TTC14: variants seen among roughly 807,000 people sequenced by gnomAD.
TTC14 encodes the protein tetratricopeptide repeat protein 14.
Under a neutral mutation model 79.9 loss-of-function variants are expected in TTC14, and 63 were observed. The ratio of observed to expected loss-of-function variants is 0.79; its 90% confidence interval spans 0.64 to 0.97. The LOEUF (loss-of-function observed/expected upper bound fraction) is 0.97. Among genes scored for constraint, TTC14 ranks in the 50% least tolerant of loss-of-function variants. The pLI, the probability that TTC14 is intolerant of heterozygous loss-of-function variation, is 0.00. For missense variants in TTC14, 895 were observed against 894.0 expected, an observed-to-expected ratio of 1.00 and a Z score of -0.01; for synonymous variants, 335 against 309.6, an observed-to-expected ratio of 1.08 and a Z score of -0.86.
exon 13 of TTC14, chr3:180,617,806 A>G (rs1410320945): frequency 4.1e-6 from 1 of 241,256 alleles, no homozygotes; most frequent in Non-Finnish European, 7.8e-6. Context: ...GGAGAAATAA[A>G]ATTATTTTTA....
chr3:180,602,663 C>A, intron 1 of TTC14: 1 of 704,852 alleles, frequency 1.4e-6, no homozygotes, highest in Non-Finnish European at 2.3e-6. Context: ...AGCTAAAAAT[C>A]CCTTGAGCTT....
Position 180,604,950 on chromosome 3 carries a change from TA to T in TTC14, c.801del (p.Glu268LysfsTer3), listed in dbSNP as rs761918958. ...FVNPGVVEFL[L>X]EKLGIDESNP... The stretch of plus-strand genomic sequence containing the variant: ...AATCCAGGAGTAGTTGAATTCCTTC[TA>T]GAAAAACTAGGAATAGATGAATCTA... On this transcript the variant is annotated frameshift_variant, in exon 6 of 12. Transcript: ENST00000296015. LOFTEE classifies it high-confidence loss of function. 2.4e-5 allele frequency: 39 copies of T among 1,614,062 alleles called. No individual in the cohort carries two copies. Among genetic ancestry groups the T allele is most frequent in the Non-Finnish European group, 1.7e-6 (2 of 1,179,964 alleles).
chr3:180,609,888 A>G lies in TTC14; in HGVS notation c.1659A>G (p.Glu553=). ...TSASFLNHKQ[E]VEKLLGKQDR... ...CATCTTTTCTTAACCATAAACAAGA[A>G]GTGGAGAAACTACTGGGGAAGCAGG... Residue 553 remains glutamate (E), a synonymous_variant, in exon 12 of 12, where the codon GAA becomes GAG. Coordinates refer to ENST00000296015, the MANE Select transcript of TTC14 (RefSeq NM_133462.4). 1.2e-6 allele frequency: 2 copies of G among 1,613,982 alleles called. No homozygotes were observed. Among genetic ancestry groups the G allele is most frequent in the Non-Finnish European group, 1.7e-6 (2 of 1,179,928 alleles).
intron 10 of TTC14, chr3:180,608,251 G>A (rs1560074397): frequency 7.1e-6 from 7 of 988,706 alleles, no homozygotes; most frequent in Non-Finnish European, 8.4e-6. Flanking sequence ...ATCCAACTGG[G>A]CTGTGCTATT....
chr3:180,602,213 A>T lies in TTC14; in HGVS notation c.-49A>T, dbSNP rs1367805614. 3 of 1,604,238 alleles carry T rather than the reference A, an allele frequency of 1.9e-6. No individual in the cohort carries two copies. The Admixed American group carries it at 5.1e-5, about 27-fold the overall frequency. ...CACCCGGCTCAAGTAGCGGACACGG[A>T]ACAGGGAACTATCAGCCCGTCGGCC... is the stretch of plus-strand genomic sequence containing the variant. On this transcript the variant is annotated 5_prime_UTR_variant, in exon 1 of 12. Transcript: ENST00000296015.
Position 180,606,373 on chromosome 3 carries a change from G to A in TTC14, c.1049+1G>A. On this transcript the variant is annotated splice_donor_variant, in intron 8 of 11. Coordinates refer to ENST00000296015, the MANE Select transcript of TTC14 (RefSeq NM_133462.4). LOFTEE classifies it high-confidence loss of function. ...AAGCTTTGGTAGCTCGTGGAGCATT[G>A]TAAGTGAATCATACATGGATTTTAA... 6.2e-7 allele frequency: 1 copy of A among 1,613,990 alleles called. No individual in the cohort carries two copies. Among genetic ancestry groups the A allele is most frequent in the Non-Finnish European group, 8.5e-7 (1 of 1,179,952 alleles).
At chr3:180,612,932 T>C (rs1169434669), downstream of TTC14, among the ~76,000 whole-genome samples, 3 of 152,040 alleles carry the variant, frequency 2.0e-5, no homozygotes, top group Non-Finnish European at 2.9e-5. Context: ...AAAACATGAA[T>C]AGGTATTTTT....
chr3:180,608,540 C>CTAAT (rs901704962), intron 10 of TTC14, 161 bp from the exon 11 acceptor site: 4 of 1,245,468 alleles, frequency 3.2e-6, no homozygotes, highest in Non-Finnish European at 4.1e-6. Flanking sequence ...ATCTGTATGA[C>CTAAT]TAATTTTTTT....
chr3:180,604,840 TA>T lies in TTC14; in HGVS notation c.702-11del, dbSNP rs1443718220. 1.3e-6 allele frequency: 2 copies of T among 1,588,636 alleles called. No homozygotes were observed. The highest frequency in any genetic ancestry group is 1.7e-6 in the Non-Finnish European group (2 of 1,170,542). ...AGTCATTTTACAATTTTTGTGTTTGTATTTTTTTAAGGAGAAGTGTTGAGCT... is the reference window on the plus strand; with the variant it reads ...AGTCATTTTACAATTTTTGTGTTTGTTTTTTTTAAGGAGAAGTGTTGAGCT... On this transcript the variant is annotated splice_polypyrimidine_tract_variant and intron_variant, in intron 5 of 11. Transcript: ENST00000296015.
chr3:180,606,284 G>C lies in TTC14; in HGVS notation c.961G>C (p.Gly321Arg). The C allele has an allele frequency of 6.2e-7, 1 of 1,613,994 alleles. No homozygotes were observed. The highest frequency in any genetic ancestry group is 8.5e-7 in the Non-Finnish European group (1 of 1,179,964). Reference protein sequence around the residue: ...VKIGVDYFKVGRHVDAMNEYN... With the variant: ...VKIGVDYFKVRRHVDAMNEYN... ...GATCGGAGTTGACTATTTTAAAGTT[G>C]GACGCCATGTGGATGCTATGAATGA... Residue 321 changes from glycine (G) to arginine (R), a missense_variant, in exon 8 of 12, where the codon GGA becomes CGA. Physicochemically the swap from Gly to Arg is moderately radical, Grantham distance 125 (BLOSUM62 -2). Coordinates refer to ENST00000296015, the MANE Select transcript of TTC14 (RefSeq NM_133462.4).
At chr3:180,612,106 A>T (rs923489271), downstream of TTC14, among the ~76,000 whole-genome samples, 1 of 152,050 alleles carries the variant, frequency 6.6e-6, no homozygotes, top group Non-Finnish European at 1.5e-5. Context: ...TCTTAAAAAG[A>T]GTCCTTAATA....
At chr3:180,606,438 A>C (rs1171047334) in intron 8 of TTC14, 43 bp from the exon 9 acceptor site, 1 of 1,612,878 alleles carries the variant, frequency 6.2e-7, no homozygotes, top group Non-Finnish European at 8.5e-7. Flanking sequence ...ATTTATGAAG[A>C]GCTTGTGAGA....
rs767895072 is a variant in TTC14 at position 180,609,868 on chromosome 3, T to C, written c.1639T>C (p.Phe547Leu). ...YPVPANTSASFLNHKQEVEKL... is the reference protein window; with the variant it reads ...YPVPANTSASLLNHKQEVEKL... ...AGTTCCAGCTAATACTTCAGCATCTTTTCTTAACCATAAACAAGAAGTGGA... is the reference window on the plus strand; with the variant it reads ...AGTTCCAGCTAATACTTCAGCATCTCTTCTTAACCATAAACAAGAAGTGGA... The change falls in exon 12 of 12, where the codon TTT (phenylalanine) becomes CTT (leucine). Residue 547 changes from phenylalanine to leucine, a missense_variant. Phe to Leu is a conservative substitution (Grantham distance 22). Transcript: ENST00000296015. 1.2e-6 allele frequency: 2 copies of C among 1,613,780 alleles called. No individual in the cohort carries two copies. Among genetic ancestry groups the C allele is most frequent in the Admixed American group, 1.7e-5 (1 of 59,964 alleles).
Position 180,608,726 on chromosome 3 carries a change from A to G in TTC14, c.1316A>G (p.Gln439Arg). Residue 439 changes from glutamine to arginine, a missense_variant, in exon 11 of 12, where the codon CAA becomes CGA. Physicochemically the swap from Gln to Arg is conservative, Grantham distance 43. Transcript: ENST00000296015. ...AAATCTTTGGAATTAAGAGAAAAACAAGCTGAAAAGGAAGAAAAGCAGAAA... is the reference window on the plus strand; with the variant it reads ...AAATCTTTGGAATTAAGAGAAAAACGAGCTGAAAAGGAAGAAAAGCAGAAA... ...MQKSLELREK[Q>R]AEKEEKQKTK... is the part of the protein sequence containing the mutation. 4 of 1,547,158 alleles carry G rather than the reference A, an allele frequency of 2.6e-6. No homozygotes were observed. The highest frequency in any genetic ancestry group is 3.5e-6 in the Non-Finnish European group (4 of 1,151,126).
intron 12 of TTC14, chr3:180,616,243 TGA>T: frequency 1.9e-6 from 3 of 1,575,054 alleles, no homozygotes; most frequent in Non-Finnish European, 2.6e-6. Context: ...TGTACAGCTG[TGA>T]GAGTTAAGCA....
At chr3:180,602,467 G>C (rs1716416211) in intron 1 of TTC14, 45 bp downstream of exon 1, 2 of 1,539,288 alleles carry the variant, frequency 1.3e-6, no homozygotes, top group Admixed American at 2.0e-5. Context: ...AGGGGACGCA[G>C]CTCTGGCAGC....
intron 10 of TTC14, 101 bp from the exon 11 acceptor site, chr3:180,608,600 C>T: frequency 7.4e-7 from 1 of 1,344,920 alleles, no homozygotes; most frequent in Non-Finnish European, 9.6e-7. Flanking sequence ...TTTGGTTTTA[C>T]TAAATTGGGT....
chr3:180,602,329 G>A lies in TTC14; in HGVS notation c.68G>A (p.Ser23Asn). The A allele has an allele frequency of 6.2e-7, 1 of 1,613,750 alleles. No homozygotes were observed. Among genetic ancestry groups the A allele is most frequent in the South Asian group, 1.1e-5 (1 of 91,076 alleles). ...TCGTCTTTGCTCTCTCTACTTCGGA[G>A]CGAACAGCAGGACAATCCACACTTC... is the stretch of plus-strand genomic sequence containing the variant. ...HGSSLLSLLR[S>N]EQQDNPHFRS... The change falls in exon 1 of 12, where the codon AGC becomes AAC. Residue 23 changes from serine to asparagine, a missense_variant. Ser to Asn is a conservative substitution (Grantham distance 46). Coordinates refer to ENST00000296015, the MANE Select transcript of TTC14 (RefSeq NM_133462.4).
In TTC14 at chr3:180,608,810, G is replaced by C. The variant is rs1716835254; in HGVS notation, c.1400G>C (p.Arg467Thr). 2 of 1,520,568 alleles carry C rather than the reference G, an allele frequency of 1.3e-6. No individual in the cohort carries two copies. The highest frequency in any genetic ancestry group is 1.4e-5 in the African/African-American group (1 of 70,520). 94.2% of individuals were successfully genotyped at this position (1,520,568 alleles called of 1,614,324 possible). The change falls in exon 11 of 12, where the codon AGG becomes ACG. Residue 467 changes from arginine (R) to threonine (T), a missense_variant and splice_region_variant. Arg to Thr is a moderately conservative substitution (Grantham distance 71). Coordinates refer to ENST00000296015, the MANE Select transcript of TTC14 (RefSeq NM_133462.4). ...CGTAAGCTCTTAAAAGAAGAGAAGAGGTAAACTATAATATTCAGTATTTTT... is the reference window on the plus strand; with the variant it reads ...CGTAAGCTCTTAAAAGAAGAGAAGACGTAAACTATAATATTCAGTATTTTT... ...KLRKLLKEEKRLKKKRRKSTS... is the reference protein window; with the variant it reads ...KLRKLLKEEKTLKKKRRKSTS...
Sources: gnomAD v4.1 joint callset for allele counts (sites outside exome capture counted in the v4.1 genomes callset) on GRCh38, gnomAD v4.1.1 for gene constraint, MANE v1.5 for transcripts, NCBI Gene and HGNC (gene_info 2026-07-23, HGNC 2026-07-21) for gene names.